Variants in ZNF675 observed in about 807,000 individuals in gnomAD.
The protein encoded by ZNF675 is TRAF6 inhibitory zinc finger.
A neutral mutation model predicts 56.1 loss-of-function variants in ZNF675; 36 were observed. The observed-to-expected ratio is 0.64, with a 90% CI of 0.49 to 0.85. The LOEUF is 0.85. Among genes scored for constraint, ZNF675 ranks in the 40% least tolerant of loss-of-function variants. ZNF675 has a pLI of 0.00. For synonymous variants in ZNF675, 200 were observed against 218.9 expected (o/e 0.91, Z 0.76); for missense variants, 663 against 654.2 (o/e 1.01, Z -0.15).
chr19:23,654,010 C>A lies in ZNF675; in HGVS notation c.923G>T (p.Gly308Val), dbSNP rs2144915680. 4 of 1,613,678 alleles carry A rather than the reference C, an allele frequency of 2.5e-6. No individual in the cohort carries two copies. The highest frequency in any genetic ancestry group is 3.4e-6 in the Non-Finnish European group (4 of 1,179,962). Residue 308 changes from glycine (G) to valine (V), a missense_variant, in exon 4 of 4, where the codon GGA becomes GTA. By Grantham distance (109) the Gly-to-Val change is moderately radical (BLOSUM62 -3). This residue lies in a region of ZNF675 where 617 missense variants were observed against 590.5 expected (regional missense o/e 1.04). Transcript: ENST00000359788. ...NLTTHKKIHT[G>V]EQPYICEECG... ...TTCTTCACATATGTAGGGTTGCTCT[C>A]CAGTATGAATTTTTTTATGTGTAGT...
chr19:23,670,653 C>T (rs899938798), intron 1 of ZNF675, among the ~76,000 whole-genome samples: 1 of 152,074 alleles, frequency 6.6e-6, no homozygotes, highest in Non-Finnish European at 1.5e-5. Context: ...TCCAGCCCTG[C>T]TACCTCTTAG....
intron 3 of ZNF675, 57 bp downstream of exon 3, chr19:23,662,057 T>C: frequency 7.8e-7 from 1 of 1,278,766 alleles, no homozygotes; most frequent in Non-Finnish European, 1.1e-6. Context: ...GCTTTCTCTT[T>C]GACCTTTGGA....
chr19:23,665,527 G>A (rs751434197), intron 1 of ZNF675, among the ~76,000 whole-genome samples: 4 of 151,640 alleles, frequency 2.6e-5, no homozygotes, highest in African/African-American at 9.7e-5. Flanking sequence ...ATGGAGTGTC[G>A]CTCTGTAGCG....
At chr19:23,663,925 T>C (rs1373625916) in intron 1 of ZNF675, among the ~76,000 whole-genome samples, 2 of 152,210 alleles carry the variant, frequency 1.3e-5, no homozygotes, top group South Asian at 2.1e-4. Context: ...GCATGTTCAA[T>C]AGCCACAGGT....
At chr19:23,678,617 T>C (rs1239376180) in intron 1 of ZNF675, among the ~76,000 whole-genome samples, 1 of 146,032 alleles carries the variant, frequency 6.8e-6, no homozygotes. Flanking sequence ...AGAGCTCTAA[T>C]AGCCAAGGCA....
At chr19:23,681,065 A>C (rs1276992834) in intron 1 of ZNF675, among the ~76,000 whole-genome samples, 2 of 151,820 alleles carry the variant, frequency 1.3e-5, no homozygotes, top group Non-Finnish European at 2.9e-5. Context: ...ACTGGTTTGT[A>C]CTACAGATAG....
intron 1 of ZNF675, among the ~76,000 whole-genome samples, chr19:23,671,406 T>G (rs1264492580): frequency 3.3e-5 from 5 of 152,098 alleles, no homozygotes; most frequent in Admixed American, 3.3e-4. Context: ...GAAGAGCATC[T>G]AAGGAAAATC....
chr19:23,657,700 A>G (rs367562765), intron 3 of ZNF675, among the ~76,000 whole-genome samples: 14 of 152,112 alleles, frequency 9.2e-5, no homozygotes, highest in African/African-American at 3.1e-4. Context: ...CTGGGCAACA[A>G]GAGTAAAACT....
chr19:23,678,569 T>TAAA (rs112040202), intron 1 of ZNF675, among the ~76,000 whole-genome samples: 13,613 of 142,600 alleles, frequency 0.095, 790 homozygotes, highest in East Asian at 0.22. Flanking sequence ...ATTCTTAACT[T>TAAA]AAAAAAAAAA....
chr19:23,656,628 ACACACAC>A (rs1967987874), intron 3 of ZNF675: 2 of 152,058 alleles, frequency 1.3e-5, no homozygotes, highest in African/African-American at 4.8e-5. Flanking sequence ...ACACACACAC[ACACACAC>A]ACACACACAC....
rs768813796 is a variant in ZNF675, at chr19:23,654,628, C to T, written c.305G>A (p.Arg102Lys). Residue 102 changes from arginine (R) to lysine (K), a missense_variant, in exon 4 of 4, where the codon AGA (arginine) becomes AAA (lysine). By Grantham distance (26) the Arg-to-Lys change is conservative. Around this residue, in one of 3 missense-constraint regions of ZNF675, gnomAD observed 617 missense variants for 590.5 expected, o/e 1.04. Transcript: ENST00000359788. ...ATTATCATTTCCACATTTTTCATAT[C>T]TTCTCAGTGTCACTTTTTCAAAAGA... ...KDSFEKVTLR[R>K]YEKCGNDNFQ... 1.2e-6 allele frequency: 2 copies of T among 1,607,580 alleles called. No homozygotes were observed. The highest frequency in any genetic ancestry group is 1.7e-6 in the Non-Finnish European group (2 of 1,177,446).
At position 23,654,604 on chromosome 19, in the gene ZNF675, T is replaced by C. The variant is rs139463533; in HGVS notation, c.329A>G (p.Asn110Ser). The change falls in exon 4 of 4, where the codon AAT becomes AGT. Residue 110 changes from asparagine (N) to serine (S), a missense_variant. Around this residue, in one of 3 missense-constraint regions of ZNF675, gnomAD observed 617 missense variants for 590.5 expected, o/e 1.04. Coordinates refer to ENST00000359788, the MANE Select transcript of ZNF675 (RefSeq NM_138330.3). ...LRRYEKCGND[N>S]FQLKGCKSVD... ...ACTTTTACAGCCTTTTAACTGAAAA[T>C]TATCATTTCCACATTTTTCATATCT... 1,147 of 1,611,740 alleles carry C rather than the reference T, an allele frequency of 7.1e-4. 4 individuals are homozygous for C. The African/African-American group carries it at 0.014, about 19-fold the overall frequency.
At chr19:23,671,126 G>A (rs1263949679) in intron 1 of ZNF675, among the ~76,000 whole-genome samples, 10 of 152,062 alleles carry the variant, frequency 6.6e-5, no homozygotes, top group South Asian at 2.1e-4. Flanking sequence ...GTTGGAGGAA[G>A]CCTTTAAAAA....
At chr19:23,676,310 T>C (rs745955524) in intron 1 of ZNF675, among the ~76,000 whole-genome samples, 1 of 151,556 alleles carries the variant, frequency 6.6e-6, no homozygotes, top group Non-Finnish European at 1.5e-5. Context: ...CTAAAACTAT[T>C]CCAAATAATT....
chr19:23,667,188 G>A (rs1313250344), intron 1 of ZNF675, among the ~76,000 whole-genome samples: 2 of 152,030 alleles, frequency 1.3e-5, no homozygotes, highest in African/African-American at 4.8e-5. Flanking sequence ...AGTGCATCTG[G>A]AGTTGTTTGT....
At chr19:23,680,188 AACT>A (rs1428251132) in intron 1 of ZNF675, among the ~76,000 whole-genome samples, 1 of 151,282 alleles carries the variant, frequency 6.6e-6, no homozygotes, top group Non-Finnish European at 1.5e-5. Flanking sequence ...CTGTAATCCC[AACT>A]ACTAGGGAGG....
intron 3 of ZNF675, among the ~76,000 whole-genome samples, chr19:23,658,964 G>GAT (rs1282498511): frequency 4.7e-3 from 41 of 8,782 alleles, no homozygotes; most frequent in South Asian, 9.3e-3. Context: ...GAGATCTATA[G>GAT]ATAGATATAG....
Position 23,653,091 on chromosome 19 carries a change from G to T in ZNF675, c.*135C>A. 1.2e-6 allele frequency: 1 copy of T among 816,048 alleles called. No individual in the cohort carries two copies. The highest frequency in any genetic ancestry group is 1.8e-6 in the Non-Finnish European group (1 of 546,858). The allele number at this position is 816,048 out of a possible 1,614,324, so 50.6% of individuals were successfully genotyped here. On this transcript the variant is annotated 3_prime_UTR_variant, in exon 4 of 4. Transcript: ENST00000359788. ...TTCTTCACACTTGTAGTTTTCTCCAGTATGAATTATCTTACATACAATGAA... is the reference window on the plus strand; with the variant it reads ...TTCTTCACACTTGTAGTTTTCTCCATTATGAATTATCTTACATACAATGAA...
chr19:23,684,077 C>G (rs539641019), intron 1 of ZNF675, among the ~76,000 whole-genome samples: 82 of 150,726 alleles, frequency 5.4e-4, no homozygotes, highest in Middle Eastern at 3.5e-3. Context: ...CTGGCTAACA[C>G]GGTGAAACCC....
Sources: allele counts gnomAD v4.1 joint callset (sites outside exome capture counted in the v4.1 genomes callset), GRCh38; gene constraint gnomAD v4.1.1; regional missense constraint gnomAD v4.1.1; transcripts MANE v1.5; gene names NCBI Gene and HGNC (gene_info 2026-07-23, HGNC 2026-07-21).